The following FARP1 variants were observed in gnomAD, a reference collection of about 807,000 sequenced individuals.
The protein encoded by FARP1 is FERM, ARHGEF and pleckstrin domain-containing protein 1.
Under a neutral mutation model 128.8 loss-of-function variants are expected in FARP1, and 52 were observed. The observed-to-expected ratio is 0.40, with a 90% CI of 0.32 to 0.51. The LOEUF is 0.51. Among genes scored for constraint, FARP1 ranks in the 20% least tolerant of loss-of-function variants. FARP1 has a pLI of 0.45. For missense variants in FARP1, 1,333 were observed against 1,367.9 expected (o/e 0.97, Z 0.40); for synonymous variants, 580 against 551.8 (o/e 1.05, Z -0.72).
intron 2 of FARP1, among the ~76,000 whole-genome samples, chr13:98,257,724 T>C (rs1460919659): frequency 1.3e-5 from 2 of 152,006 alleles, no homozygotes; most frequent in East Asian, 3.9e-4. Context: ...GAGCCGAGAT[T>C]GCACCACTGC....
chr13:98,388,364 C>G lies in FARP1; in HGVS notation c.760-19C>G. Reference sequence around the variant, plus strand: ...TTGTTATGCATTTCCTGGCTCACTGCTACTGTCTTTCTTTTTAGGGTTTCA... The same window carrying G: ...TTGTTATGCATTTCCTGGCTCACTGGTACTGTCTTTCTTTTTAGGGTTTCA... On this transcript the variant is annotated intron_variant, in intron 8 of 26. Transcript: ENST00000319562. The G allele has an allele frequency of 6.3e-7, 1 of 1,595,440 alleles. No homozygotes were observed.
chr13:98,223,245 A>G (rs1388518079), intron 2 of FARP1, among the ~76,000 whole-genome samples: 2 of 152,228 alleles, frequency 1.3e-5, no homozygotes, highest in East Asian at 3.8e-4. Flanking sequence ...ACTCTGTGAC[A>G]AATGTTTTAC....
chr13:98,404,671 A>G (rs1299698423), intron 13 of FARP1: 1 of 152,248 alleles, frequency 6.6e-6, no homozygotes, highest in Admixed American at 6.5e-5. Flanking sequence ...CCTATGTTTT[A>G]GAACAGAATA....
At chr13:98,287,826 G>C (rs1281108718) in intron 2 of FARP1, among the ~76,000 whole-genome samples, 1 of 127,718 alleles carries the variant, frequency 7.8e-6, no homozygotes, top group Non-Finnish European at 1.6e-5. Context: ...TTTTTGAGAC[G>C]TAGTCTCGCT....
chr13:98,346,664 G>A (rs530145419), intron 3 of FARP1, among the ~76,000 whole-genome samples: 10 of 152,208 alleles, frequency 6.6e-5, no homozygotes, highest in Admixed American at 3.9e-4. Context: ...AGAATTGTCT[G>A]GACCCAGGAG....
At chr13:98,284,737 G>A (rs1594358413) in intron 2 of FARP1, among the ~76,000 whole-genome samples, 1 of 152,284 alleles carries the variant, frequency 6.6e-6, no homozygotes, top group East Asian at 1.9e-4. Flanking sequence ...AGTGAGTTGA[G>A]AAAATTAATT....
Position 98,176,324 on chromosome 13 carries a change from T to G in FARP1, c.-24+32832T>G, listed in dbSNP as rs1258110149. On this transcript the variant is annotated intron_variant, in intron 1 of 26. Transcript: ENST00000319562. This position sits in a 1 kb window ranked among gnomAD's most constrained non-coding sequence, Gnocchi z 6.2. ...TTTTGCAGTTTCGCCATCAGTTCTTTGGCGGGGTTAAAGATGCCGCCGGTT... is the reference window on the plus strand; with the variant it reads ...TTTTGCAGTTTCGCCATCAGTTCTTGGGCGGGGTTAAAGATGCCGCCGGTT... 6.2e-7 allele frequency: 1 copy of G among 1,613,518 alleles called. No individual in the cohort carries two copies.
intron 1 of FARP1, chr13:98,177,711 C>G (rs1369696073): frequency 1.3e-5 from 2 of 150,496 alleles, no homozygotes; most frequent in African/African-American, 2.4e-5. Context: ...GACCTGCCTC[C>G]TGGCCCTCAG....
At chr13:98,147,494 C>T (rs1210534066) in intron 1 of FARP1, among the ~76,000 whole-genome samples, 1 of 151,914 alleles carries the variant, frequency 6.6e-6, no homozygotes, top group Admixed American at 6.6e-5. Context: ...ATGATAATAA[C>T]CTCTGACCAC....
At chr13:98,343,158 G>A (rs556706661) in intron 2 of FARP1, among the ~76,000 whole-genome samples, 1 of 152,260 alleles carries the variant, frequency 6.6e-6, no homozygotes, top group South Asian at 2.1e-4. Flanking sequence ...GCAAACTATA[G>A]AGACAGTAAG....
chr13:98,326,496 T>A (rs778754699), intron 2 of FARP1, among the ~76,000 whole-genome samples: 2 of 152,206 alleles, frequency 1.3e-5, no homozygotes, highest in Non-Finnish European at 2.9e-5. Flanking sequence ...TAAGCACCAT[T>A]TTGTTTTCTG....
rs537966604 is a variant in FARP1 at position 98,180,059 on chromosome 13, A to C, written c.-23-33161A>C. Among the ~76,000 whole-genome samples the C allele has an allele frequency of 2.0e-5, 3 of 152,190 alleles. No homozygotes were observed. The East Asian group carries it at 5.8e-4, about 29-fold the overall frequency. Reference sequence around the variant, plus strand: ...TAGGGAAAGGCTAGGGAAAGGCTGCATGGGGTGGGAGATTGTGTTAGTTTT... The same window carrying C: ...TAGGGAAAGGCTAGGGAAAGGCTGCCTGGGGTGGGAGATTGTGTTAGTTTT... On this transcript the variant is annotated intron_variant, in intron 1 of 26. Transcript: ENST00000319562.
chr13:98,327,319 C>T (rs1887277199), intron 2 of FARP1, among the ~76,000 whole-genome samples: 2 of 152,010 alleles, frequency 1.3e-5, no homozygotes, highest in South Asian at 2.1e-4. Context: ...AATGTGTCAT[C>T]GAAACCCATG....
chr13:98,222,282 C>G (rs753389352), intron 2 of FARP1, among the ~76,000 whole-genome samples: 1 of 152,148 alleles, frequency 6.6e-6, no homozygotes, highest in Admixed American at 6.6e-5. Flanking sequence ...AGGCAAGGTG[C>G]TACTGGTGAT....
intron 6 of FARP1, 83 bp downstream of exon 6, chr13:98,378,001 A>G (rs768785287): frequency 5.5e-5 from 57 of 1,035,602 alleles, no homozygotes; most frequent in Non-Finnish European, 8.3e-5. Flanking sequence ...ACATCCACCA[A>G]AAAAGAAAGT....
At chr13:98,255,294 T>C (rs1312223888) in intron 2 of FARP1, among the ~76,000 whole-genome samples, 1 of 151,856 alleles carries the variant, frequency 6.6e-6, no homozygotes, top group Non-Finnish European at 1.5e-5. Context: ...GGTCAGGAGA[T>C]CGAGACCATC....
chr13:98,367,821 A>T (rs1889161943), intron 4 of FARP1, among the ~76,000 whole-genome samples: 1 of 152,238 alleles, frequency 6.6e-6, no homozygotes, highest in South Asian at 2.1e-4. Context: ...TTGAAGACAA[A>T]TGACTTTATT....
At chr13:98,201,025 G>A (rs998457269) in intron 1 of FARP1, among the ~76,000 whole-genome samples, 2 of 152,110 alleles carry the variant, frequency 1.3e-5, no homozygotes, top group African/African-American at 4.8e-5. Flanking sequence ...TCTTTTCTTT[G>A]TGTTGGGGAC....
chr13:98,297,176 G>A (rs1003128206), intron 2 of FARP1, among the ~76,000 whole-genome samples: 9 of 152,160 alleles, frequency 5.9e-5, no homozygotes, highest in African/African-American at 2.2e-4. Flanking sequence ...TAGGCTGTAG[G>A]GTAGCCTTAG....
Sources: allele counts gnomAD v4.1 joint callset (sites outside exome capture counted in the v4.1 genomes callset), GRCh38; gene constraint gnomAD v4.1.1; non-coding constraint Gnocchi (gnomAD v3.1); transcripts MANE v1.5; gene names NCBI Gene and HGNC (gene_info 2026-07-23, HGNC 2026-07-21).